The following OR2Z1 variants were observed in gnomAD, a reference collection of about 807,000 sequenced individuals.
The protein encoded by OR2Z1 is olfactory receptor family 2 subfamily Z member 1.
For synonymous variants in OR2Z1, 188 were observed against 160.6 expected, an observed-to-expected ratio of 1.17 and a Z score of -1.29; for missense variants, 449 against 401.8, an observed-to-expected ratio of 1.12 and a Z score of -1.00.
intron 2 of OR2Z1, among the ~76,000 whole-genome samples, chr19:8,727,332 A>ACCTCTGTTGAAAACTCTT (rs2043331598): frequency 6.6e-6 from 1 of 151,980 alleles, no homozygotes; most frequent in African/African-American, 2.4e-5. Context: ...GCCCCTGGTC[A>ACCTCTGTTGAAAACTCTT]CCTCTGTTGA....
chr19:8,730,673 C>G lies in OR2Z1; in HGVS notation c.-169-187C>G, dbSNP rs145521104. ...GACCTCGTGATCCACCTGTCTCGGCCTCCCAAAGTGCTGGGATTACAGGCG... is the reference window on the plus strand; with the variant it reads ...GACCTCGTGATCCACCTGTCTCGGCGTCCCAAAGTGCTGGGATTACAGGCG... On this transcript the variant is annotated intron_variant, in intron 2 of 2. Coordinates refer to ENST00000641125, the MANE Select transcript of OR2Z1 (RefSeq NM_001004699.3). Among the ~76,000 whole-genome samples, 1,476 of 152,266 alleles carry G rather than the reference C, an allele frequency of 9.7e-3. 7 individuals are homozygous for G. The highest frequency in any genetic ancestry group is 0.014 in the Non-Finnish European group (982 of 68,028).
At position 8,731,245 on chromosome 19, in the gene OR2Z1, TGTCCCATG is replaced by T. The variant is rs782710635; in HGVS notation, c.221_228del (p.Pro74HisfsTer35). ...CCAGCTCTCCCTGTTTGACATTGGC[TGTCCCATG>T]GTCACCATCCCCAAGATGGCATCAG... On this transcript the variant is annotated frameshift_variant, in exon 3 of 3. Coordinates refer to ENST00000641125, the MANE Select transcript of OR2Z1 (RefSeq NM_001004699.3). LOFTEE classifies it low-confidence loss of function (END_TRUNC). 98 of 1,614,028 alleles carry T rather than the reference TGTCCCATG, an allele frequency of 6.1e-5. No individual in the cohort carries two copies. Among genetic ancestry groups the T allele is most frequent in the Non-Finnish European group, 8.2e-5 (97 of 1,180,036 alleles).
At chr19:8,729,388 G>C (rs1384649589) in intron 2 of OR2Z1, among the ~76,000 whole-genome samples, 1 of 150,066 alleles carries the variant, frequency 6.7e-6, no homozygotes, top group East Asian at 2.0e-4. Context: ...CTCCAGTTGC[G>C]TCCATGTCAC....
chr19:8,724,061 T>G (rs953429999), intron 2 of OR2Z1, among the ~76,000 whole-genome samples: 6 of 151,678 alleles, frequency 4.0e-5, no homozygotes, highest in African/African-American at 1.5e-4. Flanking sequence ...TTACAGTGTT[T>G]GGAGATGTGT....
chr19:8,723,663 G>C (rs2043315530), intron 2 of OR2Z1, among the ~76,000 whole-genome samples: 1 of 149,884 alleles, frequency 6.7e-6, no homozygotes, highest in Non-Finnish European at 1.5e-5. Flanking sequence ...AACAGAAGAA[G>C]AATTACAGAA....
intron 2 of OR2Z1, among the ~76,000 whole-genome samples, chr19:8,730,188 A>G (rs1284988064): frequency 1.3e-5 from 2 of 152,090 alleles, no homozygotes; most frequent in Admixed American, 6.6e-5. Context: ...CATTCCCTCA[A>G]TTTGATTCCA....
intron 2 of OR2Z1, chr19:8,728,765 C>G (rs917446356): frequency 3.6e-5 from 22 of 607,082 alleles, no homozygotes; most frequent in African/African-American, 2.9e-4. Context: ...TGGCAACATC[C>G]AAAGCATCAT....
intron 2 of OR2Z1, 146 bp from the exon 3 acceptor site, chr19:8,730,714 A>G (rs149443633): frequency 1 from 337,779 of 339,386 alleles, 168,103 homozygotes; most frequent in East Asian, 1. Context: ...CACCACGTCC[A>G]GCCGAACCTC....
rs61746164 is a variant in OR2Z1 at position 8,731,431 on chromosome 19, C to T, written c.403C>T (p.Leu135Phe). ...AVCQPLQYPVLMRRQVCLLMM... is the reference protein window; with the variant it reads ...AVCQPLQYPVFMRRQVCLLMM... ...GTGCCAGCCCCTGCAGTATCCTGTA[C>T]TTATGAGACGCCAGGTATGTCTGCT... Residue 135 changes from leucine (L) to phenylalanine (F), a missense_variant, in exon 3 of 3, where the codon CTT becomes TTT. Transcript: ENST00000641125. 3,093 of 1,614,024 alleles carry T rather than the reference C, an allele frequency of 1.9e-3. 54 individuals are homozygous for T. The African/African-American group carries it at 0.034, about 18-fold the overall frequency.
rs74822522 is a variant in OR2Z1, at chr19:8,728,966, C to T, written c.-169-1894C>T. 7.8e-3 allele frequency: 5,358 copies of T among 684,690 alleles called. 213 individuals are homozygous for T. In the African/African-American group the frequency reaches 0.086, roughly 11 times the overall value. The allele number at this position is 684,690 out of a possible 1,614,324, so 42.4% of individuals were successfully genotyped here. A position where few individuals can be genotyped will look rare whatever the true frequency, so the allele number is the denominator to read the frequency against. ...TCTTGATGGTGGACTCAGTGGTCAG[C>T]GGCAACGTGATGATTGCAGAGTGGC... is the stretch of plus-strand genomic sequence containing the variant. On this transcript the variant is annotated intron_variant, in intron 2 of 2. Transcript: ENST00000641125.
chr19:8,732,139 A>T lies in OR2Z1; in HGVS notation c.*166A>T. The T allele has an allele frequency of 6.5e-6, 4 of 615,674 alleles. No individual in the cohort carries two copies. Among genetic ancestry groups the T allele is most frequent in the Non-Finnish European group, 8.6e-6 (3 of 349,290 alleles). 38.1% of individuals were successfully genotyped at this position (615,674 alleles called of 1,614,324 possible). A position where few individuals can be genotyped will look rare whatever the true frequency, so the allele number is the denominator to read the frequency against. ...TGTCTGCCTTTTAAATTGAGGTAGA[A>T]TACACGTAACATAAAATGAGCCACT... is the stretch of plus-strand genomic sequence containing the variant. On this transcript the variant is annotated 3_prime_UTR_variant, in exon 3 of 3. Coordinates refer to ENST00000641125, the MANE Select transcript of OR2Z1 (RefSeq NM_001004699.3).
chr19:8,722,812 C>T (rs1555755818), intron 1 of OR2Z1, among the ~76,000 whole-genome samples: 1 of 151,998 alleles, frequency 6.6e-6, no homozygotes, highest in African/African-American at 2.4e-5. Flanking sequence ...AGGGACCAGC[C>T]TGGGAAACAT....
At chr19:8,728,498 G>C (rs1447233811) in intron 2 of OR2Z1, among the ~76,000 whole-genome samples, 2 of 152,068 alleles carry the variant, frequency 1.3e-5, no homozygotes, top group Non-Finnish European at 2.9e-5. Context: ...ACCCCCTCCT[G>C]CTGTCATTGT....
chr19:8,724,010 G>T (rs77530436), intron 2 of OR2Z1, among the ~76,000 whole-genome samples: 1 of 108,774 alleles, frequency 9.2e-6, no homozygotes, highest in Non-Finnish European at 1.8e-5. Flanking sequence ...GTGTGTGTGT[G>T]TATGTGTGTG....
At chr19:8,729,597 T>C (rs1199065126) in intron 2 of OR2Z1, among the ~76,000 whole-genome samples, 1 of 133,780 alleles carries the variant, frequency 7.5e-6, no homozygotes, top group Non-Finnish European at 1.6e-5. Context: ...GTAGAGATGG[T>C]TTTTTTTTTT....
At chr19:8,727,692 C>A (rs2043333375) in intron 2 of OR2Z1, among the ~76,000 whole-genome samples, 1 of 152,180 alleles carries the variant, frequency 6.6e-6, no homozygotes, top group African/African-American at 2.4e-5. Context: ...CATGGTGAAA[C>A]CCTGTCTCTA....
intron 2 of OR2Z1, among the ~76,000 whole-genome samples, chr19:8,723,964 CTGTTTGTGTGTGTG>C (rs1237818055): frequency 1.1e-5 from 1 of 88,998 alleles, no homozygotes; most frequent in Non-Finnish European, 2.3e-5. Flanking sequence ...GAAGGGGAGT[CTGTTTGTGTGTGTG>C]TGTGTGTGTG....
chr19:8,729,159 C>G, intron 2 of OR2Z1: 2 of 1,155,786 alleles, frequency 1.7e-6, no homozygotes, highest in South Asian at 1.2e-5. Context: ...ACTTTGGCTT[C>G]GGCTTTAGGA....
At position 8,731,719 on chromosome 19, in the gene OR2Z1, G is replaced by C; in HGVS notation, c.691G>C (p.Glu231Gln). Residue 231 changes from glutamate to glutamine, a missense_variant, in exon 3 of 3, where the codon GAG becomes CAG. Physicochemically the swap from Glu to Gln is conservative, Grantham distance 29. Transcript: ENST00000641125. ...GCAGGCTGTTCTAAGCATGCGCTCA[G>C]AGGAGGCCAGACACAAGGCTGTCAC... is the stretch of plus-strand genomic sequence containing the variant. ...VLQAVLSMRS[E>Q]EARHKAVTTC... 6.2e-7 allele frequency: 1 copy of C among 1,614,200 alleles called. No individual in the cohort carries two copies. The highest frequency in any genetic ancestry group is 1.3e-5 in the African/African-American group (1 of 75,054).
Sources: gnomAD v4.1 joint callset for allele counts (sites outside exome capture counted in the v4.1 genomes callset) on GRCh38, gnomAD v4.1.1 for gene constraint, MANE v1.5 for transcripts, NCBI Gene and HGNC (gene_info 2026-07-23, HGNC 2026-07-21) for gene names.